NOC4L: variants seen among roughly 807,000 people sequenced by gnomAD.
NOC4L encodes the protein nucleolar complex associated 4 homolog, also known as nucleolar complex protein 4 homolog.
A neutral mutation model predicts 62.8 loss-of-function variants in NOC4L; 40 were observed. The ratio of observed to expected loss-of-function variants is 0.64; its 90% CI spans 0.49 to 0.83. The LOEUF (loss-of-function observed/expected upper bound fraction) is 0.83, where lower values mean the gene tolerates loss of function less well. NOC4L is among the 40% of genes least tolerant of loss of function. The probability of loss-of-function intolerance (pLI) is 0.00; values close to 1 mark genes in which losing one functional copy is unlikely to be tolerated. For synonymous variants in NOC4L, 433 were observed against 299.8 expected (o/e 1.44, Z -4.59); for missense variants, 927 against 701.9 (o/e 1.32, Z -3.62).
chr12:132,147,423 G>A (rs1232756498), intron 4 of NOC4L, 35 bp downstream of exon 4: 3 of 1,535,350 alleles, frequency 2.0e-6, no homozygotes, highest in African/African-American at 2.8e-5. Context: ...AGAGGGCCTG[G>A]CTGGCTGGCC....
At chr12:132,151,087 C>A in intron 10 of NOC4L, 46 bp downstream of exon 10, 8 of 1,555,512 alleles carry the variant, frequency 5.1e-6, no homozygotes, top group Non-Finnish European at 7.1e-6. Flanking sequence ...TCTGCCCAGC[C>A]CTGCTCCTCT....
In NOC4L at chr12:132,144,895, C is replaced by T; in HGVS notation, c.159C>T (p.Cys53=). The T allele has an allele frequency of 6.2e-7, 1 of 1,602,440 alleles. No homozygotes were observed. The highest frequency in any genetic ancestry group is 8.5e-7 in the Non-Finnish European group (1 of 1,175,874). Residue 53 remains cysteine (C), a synonymous_variant, in exon 2 of 15, where the codon TGC becomes TGT. Transcript: ENST00000330579. The part of the protein sequence containing the change: ...QEEIQEAVRT[C]SRLFGALLER... The stretch of plus-strand genomic sequence containing the variant: ...AGATCCAGGAAGCAGTCCGCACGTG[C>T]AGCCGTCTTTTCGGGGCCTTGCTGG...
At chr12:132,147,104 C>A (rs78342602) in intron 3 of NOC4L, among the ~76,000 whole-genome samples, 177 bp from the exon 4 acceptor site, 5 of 152,206 alleles carry the variant, frequency 3.3e-5, no homozygotes, top group African/African-American at 1.2e-4. Flanking sequence ...ATCTCTACGT[C>A]ATGGGTGGGA....
At chr12:132,148,955 T>C (rs1897848700) in intron 9 of NOC4L, 60 bp downstream of exon 9, 4 of 325,620 alleles carry the variant, frequency 1.2e-5, no homozygotes, top group South Asian at 6.5e-5. Context: ...TGCCGCCGCC[T>C]CACTCCTACC....
intron 13 of NOC4L, 65 bp downstream of exon 13, chr12:132,151,885 G>C (rs919132269): frequency 6.7e-6 from 10 of 1,502,698 alleles, no homozygotes; most frequent in Non-Finnish European, 9.1e-6. Flanking sequence ...AGAAAGCCCA[G>C]CTCCCCGTGC....
At chr12:132,144,746 G>C in intron 1 of NOC4L, 108 bp from the exon 2 acceptor site, 1 of 1,483,942 alleles carries the variant, frequency 6.7e-7, no homozygotes, top group Non-Finnish European at 9.0e-7. Flanking sequence ...CGGGTCGGGG[G>C]TGACGGGGCT....
Position 132,151,664 on chromosome 12 carries a change from G to T in NOC4L, c.1234+20G>T. 6.2e-7 allele frequency: 1 copy of T among 1,611,538 alleles called. No individual in the cohort carries two copies. Among genetic ancestry groups the T allele is most frequent in the Admixed American group, 1.7e-5 (1 of 59,968 alleles). Reference sequence around the variant, plus strand: ...GCCCTGGTGAGTTGCGGGGCCCTCGGAGGCTGGGCTGGAGCTGGGGCGGGG... The same window carrying T: ...GCCCTGGTGAGTTGCGGGGCCCTCGTAGGCTGGGCTGGAGCTGGGGCGGGG... On this transcript the variant is annotated intron_variant, in intron 12 of 14. Transcript: ENST00000330579.
intron 9 of NOC4L, 95 bp downstream of exon 9, chr12:132,148,990 GCCGCCGCCT>G: frequency 5.0e-6 from 1 of 200,960 alleles, no homozygotes; most frequent in Non-Finnish European, 8.9e-6. Context: ...CTCGGTGAGT[GCCGCCGCCT>G]CACTCCTACC....
At position 132,151,616 on chromosome 12, in the gene NOC4L, G is replaced by T. The variant is rs758536393; in HGVS notation, c.1206G>T (p.Arg402=). ...TGCTGCGCCGGCACCCTGCCTGCCG[G>T]GTCCTCGTGCACCGTCCACACGGCC... ...CNLLRRHPAC[R]VLVHRPHGPE... Residue 402 remains arginine, a synonymous_variant, in exon 12 of 15, where the codon CGG becomes CGT. Coordinates refer to ENST00000330579, the MANE Select transcript of NOC4L (RefSeq NM_024078.3). 2.5e-6 allele frequency: 4 copies of T among 1,611,736 alleles called. 1 individual carries two copies. In the South Asian group the frequency reaches 4.4e-5, roughly 18 times the overall value.
Position 132,147,795 on chromosome 12 carries a change from GT to G in NOC4L, c.603+14del. 1 of 1,612,016 alleles carries G rather than the reference GT, an allele frequency of 6.2e-7. No individual in the cohort carries two copies. Among genetic ancestry groups the G allele is most frequent in the South Asian group, 1.1e-5 (1 of 91,070 alleles). On this transcript the variant is annotated intron_variant, in intron 5 of 14. Transcript: ENST00000330579. The stretch of plus-strand genomic sequence containing the variant: ...CCAGCACCCCGAGGTGGGTGATGGG[GT>G]CCTGTCGCCAGCATCATGCTGTTGC...
chr12:132,151,890 C>T, intron 13 of NOC4L, 70 bp downstream of exon 13: 2 of 1,476,016 alleles, frequency 1.4e-6, no homozygotes, highest in Non-Finnish European at 1.9e-6. Context: ...GCCCAGCTCC[C>T]CGTGCCACCT....
chr12:132,146,574 C>G (rs1010348977), intron 3 of NOC4L, among the ~76,000 whole-genome samples: 5 of 152,216 alleles, frequency 3.3e-5, no homozygotes, highest in Admixed American at 6.5e-5. Context: ...TTACCCTCCC[C>G]CTGGCAGCAT....
Position 132,151,543 on chromosome 12 carries a change from C to T in NOC4L, c.1133C>T (p.Thr378Met), listed in dbSNP as rs749469090. 1.3e-5 allele frequency: 21 copies of T among 1,608,578 alleles called. No homozygotes were observed. Among genetic ancestry groups the T allele is most frequent in the East Asian group, 1.1e-4 (5 of 44,826 alleles). ...AAGCGGCTGGCCCGCCTGGCCCTGA[C>T]GGCTCCCCCTGAGGCCCTGCTCATG... ...FAKRLARLAL[T>M]APPEALLMVL... Residue 378 changes from threonine to methionine, a missense_variant, in exon 12 of 15, where the codon ACG becomes ATG. Thr to Met is a moderately conservative substitution (Grantham distance 81, BLOSUM62 -1). Transcript: ENST00000330579.
At position 132,147,952 on chromosome 12, in the gene NOC4L, G is replaced by A. The variant is rs372807012; in HGVS notation, c.676G>A (p.Val226Ile). The change falls in exon 6 of 15, where the codon GTC (valine) becomes ATC (isoleucine). Residue 226 changes from valine (V) to isoleucine (I), a missense_variant. By Grantham distance (29) the Val-to-Ile change is conservative (BLOSUM62 3). Transcript: ENST00000330579. ...GAGCCTGCCCCGCCGGGAGCCCACC[G>A]TCTCCAGCTTCTATGTGAAGCGGGC... ...AVSLPRREPTVSSFYVKRAEL... is the reference protein window; with the variant it reads ...AVSLPRREPTISSFYVKRAEL... 28 of 1,609,150 alleles carry A rather than the reference G, an allele frequency of 1.7e-5. No individual in the cohort carries two copies. Among genetic ancestry groups the A allele is most frequent in the Middle Eastern group, 1.6e-4 (1 of 6,068 alleles).
intron 2 of NOC4L, 23 bp downstream of exon 2, chr12:132,144,997 G>A: frequency 6.3e-7 from 1 of 1,576,850 alleles, no homozygotes; most frequent in East Asian, 2.3e-5. Flanking sequence ...GGGCCCCGGG[G>A]CTGCTCTTCT....
At chr12:132,151,881 C>G in intron 13 of NOC4L, 61 bp downstream of exon 13, 1 of 1,521,486 alleles carries the variant, frequency 6.6e-7, no homozygotes, top group Non-Finnish European at 9.0e-7. Context: ...CCTCAGAAAG[C>G]CCAGCTCCCC....
rs770574714 is a variant in NOC4L, at chr12:132,152,193, A to G, written c.1427A>G (p.Tyr476Cys). The G allele has an allele frequency of 8.7e-6, 14 of 1,611,556 alleles. No homozygotes were observed. In the African/African-American group the frequency reaches 1.5e-4, roughly 17 times the overall value. The change falls in exon 14 of 15, where the codon TAC (tyrosine) becomes TGC (cysteine). Residue 476 changes from tyrosine (Y) to cysteine (C), a missense_variant. Transcript: ENST00000330579. ...GCGCCACTGCTGGAGCTCACGGCCT[A>G]CGAGGTGCGGAACTGGGCCAGGGTG... ...SIAPLLELTA[Y>C]EIFERDLKKK... is the part of the protein sequence containing the mutation.
chr12:132,148,581 G>A (rs987782486), intron 7 of NOC4L, 28 bp from the exon 8 acceptor site: 67 of 1,549,074 alleles, frequency 4.3e-5, no homozygotes, highest in Middle Eastern at 1.7e-4. Context: ...TGGGGAGGGC[G>A]GCGAGTGCAG....
intron 13 of NOC4L, 86 bp downstream of exon 13, chr12:132,151,906 A>G: frequency 1.4e-6 from 2 of 1,401,872 alleles, no homozygotes; most frequent in African/African-American, 1.4e-5. Flanking sequence ...CACCTCCCGC[A>G]TAGCCTCATG....
Sources: allele counts gnomAD v4.1 joint callset (sites outside exome capture counted in the v4.1 genomes callset), GRCh38; gene constraint gnomAD v4.1.1; transcripts MANE v1.5; gene names NCBI Gene and HGNC (gene_info 2026-07-23, HGNC 2026-07-21).